Variants in LACTB observed in about 807,000 individuals in gnomAD.
The protein encoded by LACTB is lactamase beta.
A neutral mutation model predicts 50.2 loss-of-function variants in LACTB; 35 were observed. The ratio of observed to expected loss-of-function variants is 0.70; its 90% CI spans 0.53 to 0.92. The LOEUF (loss-of-function observed/expected upper bound fraction) is 0.92, where lower values mean the gene tolerates loss of function less well. Ranked by LOEUF, LACTB falls within the 40% of genes least tolerant of loss-of-function variation. LACTB has a pLI of 0.00. For synonymous variants in LACTB, 252 were observed against 268.2 expected, an observed-to-expected ratio of 0.94 and a Z score of 0.59; for missense variants, 664 against 691.8, an observed-to-expected ratio of 0.96 and a Z score of 0.45.
chr15:63,130,553 C>CAT (rs1370591292), intron 5 of LACTB: 1 of 140,438 alleles, frequency 7.1e-6, no homozygotes, highest in Non-Finnish European at 1.5e-5. Flanking sequence ...GGGAAATTAA[C>CAT]ATAGATACAA....
chr15:63,123,748 A>C (rs1313113682), intron 2 of LACTB, among the ~76,000 whole-genome samples: 2 of 152,234 alleles, frequency 1.3e-5, no homozygotes, highest in Non-Finnish European at 2.9e-5. Flanking sequence ...AGACAGAGGG[A>C]AAGACAGCTT....
Position 63,121,975 on chromosome 15 carries a change from C to A in LACTB, c.104C>A (p.Pro35His). The A allele has an allele frequency of 7.3e-7, 1 of 1,371,270 alleles. No homozygotes were observed. The highest frequency in any genetic ancestry group is 9.3e-7 in the Non-Finnish European group (1 of 1,070,504). The allele number at this position is 1,371,270 out of a possible 1,614,324, so 84.9% of individuals were successfully genotyped here. A position where few individuals can be genotyped will look rare whatever the true frequency, so the allele number is the denominator to read the frequency against. Reference sequence around the variant, plus strand: ...GTCCATCAGCGCGCCGGGCTGCCGCCTCTCGGCCACGGCTGGGTCGGGGGC... The same window carrying A: ...GTCCATCAGCGCGCCGGGCTGCCGCATCTCGGCCACGGCTGGGTCGGGGGC... ...RGVHQRAGLPPLGHGWVGGLG... is the reference protein window; with the variant it reads ...RGVHQRAGLPHLGHGWVGGLG... The change falls in exon 1 of 6, where the codon CCT (proline) becomes CAT (histidine). Residue 35 changes from proline (P) to histidine (H), a missense_variant. Transcript: ENST00000261893.
intron 5 of LACTB, among the ~76,000 whole-genome samples, chr15:63,134,726 A>G (rs371727915): frequency 7.2e-5 from 11 of 152,220 alleles, no homozygotes; most frequent in South Asian, 2.1e-4. Flanking sequence ...AGAAGAGTCA[A>G]TTTTGTGAAC....
At position 63,138,363 on chromosome 15, in the gene LACTB, A is replaced by G. The variant is rs150541374; in HGVS notation, c.1119-2917A>G. On this transcript the variant is annotated intron_variant, in intron 5 of 5. Coordinates refer to ENST00000261893, the MANE Select transcript of LACTB (RefSeq NM_032857.5). ...TGTAGATGTAGATTTCTGTGGTGAT[A>G]TAACATTCTTGTGCAGAATCTGGAG... Among the ~76,000 whole-genome samples the G allele has an allele frequency of 7.3e-3, 1,118 of 152,298 alleles. 13 individuals are homozygous for G. Among genetic ancestry groups the G allele is most frequent in the African/African-American group, 0.025 (1,033 of 41,556 alleles).
chr15:63,127,311 C>T (rs2037065632), intron 3 of LACTB, 42 bp from the exon 4 acceptor site: 2 of 1,390,704 alleles, frequency 1.4e-6, no homozygotes, highest in African/African-American at 1.5e-5. Flanking sequence ...TTCTATTTTT[C>T]AGGTTAATAT....
chr15:63,139,684 A>C (rs1007960663), intron 5 of LACTB, among the ~76,000 whole-genome samples: 2 of 151,258 alleles, frequency 1.3e-5, no homozygotes, highest in Admixed American at 6.6e-5. Context: ...ACAGAAAAAA[A>C]TTAGCTGGGC....
At position 63,141,763 on chromosome 15, in the gene LACTB, T is replaced by G. The variant is rs566281553; in HGVS notation, c.1602T>G (p.Ala534=). The change falls in exon 6 of 6, where the codon GCT becomes GCG. Residue 534 remains alanine, a synonymous_variant. Coordinates refer to ENST00000261893, the MANE Select transcript of LACTB (RefSeq NM_032857.5). ...AATCTGTTGGCCTCAATAGCACCGC[T>G]TTGAAGATTGCCCTTGAATTTGATA... ...NMQSVGLNST[A]LKIALEFDKD... is the part of the protein sequence containing the mutation. 6.8e-6 allele frequency: 11 copies of G among 1,613,594 alleles called. No individual in the cohort carries two copies. Among genetic ancestry groups the G allele is most frequent in the Non-Finnish European group, 9.3e-6 (11 of 1,179,612 alleles).
intron 2 of LACTB, among the ~76,000 whole-genome samples, chr15:63,124,504 C>T (rs955178822): frequency 6.6e-6 from 1 of 152,056 alleles, no homozygotes; most frequent in South Asian, 2.1e-4. Flanking sequence ...GAGGTGTCAT[C>T]TATTTTTTTC....
At chr15:63,135,322 C>A (rs1309017911) in intron 5 of LACTB, among the ~76,000 whole-genome samples, 1 of 152,108 alleles carries the variant, frequency 6.6e-6, no homozygotes, top group East Asian at 1.9e-4. Context: ...AAAGAGATTT[C>A]TTGGGGACCC....
chr15:63,141,878 C>G lies in LACTB; in HGVS notation c.*73C>G, dbSNP rs2037232982. 2.4e-6 allele frequency: 3 copies of G among 1,268,704 alleles called. No homozygotes were observed. Among genetic ancestry groups the G allele is most frequent in the Middle Eastern group, 1.9e-4 (1 of 5,210 alleles). The allele number at this position is 1,268,704 out of a possible 1,614,324, so 78.6% of individuals were successfully genotyped here. ...GAAACATTAAAGTTCCAAAACATGA[C>G]ATTTTTAAGAATAAATTTGAAATAG... On this transcript the variant is annotated 3_prime_UTR_variant, in exon 6 of 6. Coordinates refer to ENST00000261893, the MANE Select transcript of LACTB (RefSeq NM_032857.5).
intron 5 of LACTB, among the ~76,000 whole-genome samples, chr15:63,137,072 T>A (rs184384048): frequency 6.6e-6 from 1 of 152,338 alleles, no homozygotes; most frequent in East Asian, 1.9e-4. Flanking sequence ...CACACTTAGC[T>A]GTAAGGGAGG....
At chr15:63,132,195 C>T (rs2037139960) in intron 5 of LACTB, among the ~76,000 whole-genome samples, 1 of 152,082 alleles carries the variant, frequency 6.6e-6, no homozygotes. Flanking sequence ...TTAACCCTTG[C>T]CCTCCTCCCT....
intron 2 of LACTB, among the ~76,000 whole-genome samples, chr15:63,123,763 C>T (rs2037010395): frequency 6.6e-6 from 1 of 152,216 alleles, no homozygotes; most frequent in African/African-American, 2.4e-5. Flanking sequence ...CAGCTTATGC[C>T]ATTATTTCTG....
chr15:63,122,201 C>T lies in LACTB; in HGVS notation c.330C>T (p.Ser110=). ...GGTGCTTCGCCAGAGCCATCGAGAG[C>T]AGCCGCGACCTGCTGCACAGGATCA... is the stretch of plus-strand genomic sequence containing the variant. ...CSRCFARAIE[S]SRDLLHRIKD... is the part of the protein sequence containing the mutation. Residue 110 remains serine, a synonymous_variant, in exon 1 of 6, where the codon AGC becomes AGT. Coordinates refer to ENST00000261893, the MANE Select transcript of LACTB (RefSeq NM_032857.5). The T allele has an allele frequency of 3.9e-6, 6 of 1,547,498 alleles. No individual in the cohort carries two copies. Among genetic ancestry groups the T allele is most frequent in the African/African-American group, 2.7e-5 (2 of 72,988 alleles).
intron 1 of LACTB, 198 bp from the exon 2 acceptor site, chr15:63,122,438 C>A: frequency 4.4e-6 from 3 of 675,578 alleles, no homozygotes; most frequent in Non-Finnish European, 2.6e-6. Flanking sequence ...TCTCGGGGAC[C>A]GCCCCTTCCC....
At position 63,122,149 on chromosome 15, in the gene LACTB, C is replaced by G. The variant is rs1324631782; in HGVS notation, c.278C>G (p.Pro93Arg). ...GAGCAGTCCCTCGCCCCGTGGTCTC[C>G]GCAGACCCCGGCGCCGCCCTGCTCC... Reference protein sequence around the residue: ...PQEQSLAPWSPQTPAPPCSRC... With the variant: ...PQEQSLAPWSRQTPAPPCSRC... The change falls in exon 1 of 6, where the codon CCG becomes CGG. Residue 93 changes from proline (P) to arginine (R), a missense_variant. Coordinates refer to ENST00000261893, the MANE Select transcript of LACTB (RefSeq NM_032857.5). 6.6e-7 allele frequency: 1 copy of G among 1,511,502 alleles called. No homozygotes were observed. Among genetic ancestry groups the G allele is most frequent in the Admixed American group, 2.1e-5 (1 of 47,740 alleles). 93.6% of individuals were successfully genotyped at this position (1,511,502 alleles called of 1,614,324 possible).
chr15:63,126,065 G>C (rs1247672506), intron 2 of LACTB: 1 of 152,022 alleles, frequency 6.6e-6, no homozygotes, highest in Non-Finnish European at 1.5e-5. Flanking sequence ...TCTAGAAAAA[G>C]CTTTAAGTTA....
At position 63,127,488 on chromosome 15, in the gene LACTB, G is replaced by C. The variant is rs984588886; in HGVS notation, c.751G>C (p.Glu251Gln). Residue 251 changes from glutamate (E) to glutamine (Q), a missense_variant, in exon 4 of 6, where the codon GAA (glutamate) becomes CAA (glutamine). Transcript: ENST00000261893. ...MMKENVAFEQ[E>Q]KEGKSNEKND... is the part of the protein sequence containing the mutation. ...GAAAGAGAATGTTGCATTTGAGCAA[G>C]AAAAAGAAGGCAAAAGTAATGAAAA... 4 of 1,613,504 alleles carry C rather than the reference G, an allele frequency of 2.5e-6. No individual in the cohort carries two copies. Among genetic ancestry groups the C allele is most frequent in the Non-Finnish European group, 3.4e-6 (4 of 1,179,736 alleles).
intron 2 of LACTB, 118 bp downstream of exon 2, chr15:63,122,820 A>T: frequency 1.4e-6 from 1 of 698,136 alleles, no homozygotes; most frequent in Non-Finnish European, 2.5e-6. Context: ...TGCATATTGT[A>T]GAGAAAACAT....
Sources: allele counts gnomAD v4.1 joint callset (sites outside exome capture counted in the v4.1 genomes callset), GRCh38; gene constraint gnomAD v4.1.1; transcripts MANE v1.5; gene names NCBI Gene and HGNC (gene_info 2026-07-23, HGNC 2026-07-21).